The following PDE11A variants were observed in gnomAD, a reference collection of about 807,000 sequenced individuals.
PDE11A encodes phosphodiesterase 11A.
In PDE11A, 100 loss-of-function variants were observed where a neutral mutation model predicts 100.5. That is an observed-to-expected ratio of 1.00 (90% CI 0.85 to 1.18). PDE11A has a LOEUF of 1.18. Among genes scored for constraint, PDE11A ranks in the 50% most tolerant of loss-of-function variants. The probability of loss-of-function intolerance (pLI) is 0.00; values close to 1 mark genes in which losing one functional copy is unlikely to be tolerated. For missense variants in PDE11A, 1,141 were observed against 1,152.6 expected (o/e 0.99, Z 0.15); for synonymous variants, 381 against 420.8 (o/e 0.91, Z 1.16).
intron 2 of PDE11A, chr2:177,997,329 G>C: frequency 1.1e-6 from 1 of 896,720 alleles, no homozygotes; most frequent in Non-Finnish European, 1.9e-6. Context: ...TTATAAATCT[G>C]CCTGGCATCT....
chr2:177,691,896 C>T (rs2081045542), intron 15 of PDE11A, among the ~76,000 whole-genome samples: 1 of 152,124 alleles, frequency 6.6e-6, no homozygotes, highest in East Asian at 1.9e-4. Flanking sequence ...CAATCAATAG[C>T]TTATGTTATG....
chr2:177,886,433 G>A (rs1435975210), intron 4 of PDE11A, among the ~76,000 whole-genome samples: 1 of 152,156 alleles, frequency 6.6e-6, no homozygotes, highest in African/African-American at 2.4e-5. Flanking sequence ...ACACCTGAGT[G>A]CCTAGCTTAA....
intron 12 of PDE11A, among the ~76,000 whole-genome samples, chr2:177,725,463 C>G (rs1275807430): frequency 6.6e-6 from 1 of 152,086 alleles, no homozygotes; most frequent in Non-Finnish European, 1.5e-5. Flanking sequence ...TTTCTGAAGT[C>G]ATGTTTTTGT....
At chr2:177,792,750 T>C (rs900422854) in intron 9 of PDE11A, among the ~76,000 whole-genome samples, 1 of 152,180 alleles carries the variant, frequency 6.6e-6, no homozygotes, top group Non-Finnish European at 1.5e-5. Context: ...TCAGATTAGA[T>C]TTGAGTAAAC....
At chr2:177,754,913 T>C (rs1194281711) in intron 10 of PDE11A, among the ~76,000 whole-genome samples, 1 of 152,258 alleles carries the variant, frequency 6.6e-6, no homozygotes, top group Non-Finnish European at 1.5e-5. Flanking sequence ...GCTATTTTAC[T>C]ATGAGTTTCA....
chr2:177,895,507 T>G (rs1314211544), intron 4 of PDE11A, among the ~76,000 whole-genome samples: 1 of 149,764 alleles, frequency 6.7e-6, no homozygotes, highest in Admixed American at 6.7e-5. Flanking sequence ...TGAGCTGAGA[T>G]CGCGCCATTG....
chr2:177,885,141 C>T (rs2105709838), intron 4 of PDE11A, among the ~76,000 whole-genome samples: 1 of 151,664 alleles, frequency 6.6e-6, no homozygotes, highest in South Asian at 2.1e-4. Context: ...TATTGATATA[C>T]AGTTATTAAT....
chr2:178,038,138 TAAA>T (rs965564532), intron 1 of PDE11A, among the ~76,000 whole-genome samples: 2 of 152,102 alleles, frequency 1.3e-5, no homozygotes, highest in African/African-American at 4.8e-5. Context: ...ATAATTGAAA[TAAA>T]AAAACTGTAC....
In PDE11A at chr2:177,961,355, C is replaced by G. The variant is rs538037876; in HGVS notation, c.1071+52947G>C. ...GTCTTCATGGAGCCTGCCCTGACAC[C>G]CCAGCCTGCTGAGACCTTTCCTTCT... On this transcript the variant is annotated intron_variant, in intron 2 of 19. Coordinates refer to ENST00000286063, the MANE Select transcript of PDE11A (RefSeq NM_016953.4). 1.8e-3 allele frequency among the ~76,000 whole-genome samples: 280 copies of G among 152,226 alleles called. 7 individuals carry two copies. The South Asian group carries it at 0.041, about 22-fold the overall frequency.
At chr2:177,669,348 T>A in intron 18 of PDE11A, 145 bp downstream of exon 18, 1 of 614,446 alleles carries the variant, frequency 1.6e-6, no homozygotes, top group Non-Finnish European at 2.9e-6. Context: ...TGTTTAGCAT[T>A]TGAGTTTAAT....
rs1466011222 is a variant in PDE11A at position 177,623,646 on chromosome 2, C to T, written c.*5761G>A. The T allele has an allele frequency of 1.3e-5, 2 of 152,068 alleles. No individual in the cohort carries two copies. The highest frequency in any genetic ancestry group is 6.5e-5 in the Admixed American group (1 of 15,272). The allele number at this position is 152,068 out of a possible 1,614,324, so 9.4% of individuals were successfully genotyped here. Reference sequence around the variant, plus strand: ...CTAGAGTAAAAGAAAAATTGAGATTCGAATACACACGCATATACACACAGA... The same window carrying T: ...CTAGAGTAAAAGAAAAATTGAGATTTGAATACACACGCATATACACACAGA... On this transcript the variant is annotated 3_prime_UTR_variant, in exon 20 of 20. Transcript: ENST00000286063.
chr2:177,897,769 G>A (rs2084632610), intron 4 of PDE11A, among the ~76,000 whole-genome samples: 2 of 152,162 alleles, frequency 1.3e-5, no homozygotes, highest in Non-Finnish European at 2.9e-5. Context: ...AGCTGTGTGA[G>A]GTTGGGCAAA....
At chr2:177,927,833 G>A (rs537269726) in intron 2 of PDE11A, among the ~76,000 whole-genome samples, 33 of 152,154 alleles carry the variant, frequency 2.2e-4, no homozygotes, top group African/African-American at 6.7e-4. Context: ...GTCCGGATAC[G>A]GTGGCTCATG....
At chr2:178,084,220 C>CATGTTTAT (rs2087321692) in intron 2 of PDE11A, among the ~76,000 whole-genome samples, 2 of 152,170 alleles carry the variant, frequency 1.3e-5, no homozygotes, top group South Asian at 2.1e-4. Flanking sequence ...GTAAAAAGAC[C>CATGTTTAT]ATGTTTATTC....
intron 9 of PDE11A, among the ~76,000 whole-genome samples, chr2:177,791,329 T>C (rs939251108): frequency 7.1e-6 from 1 of 139,892 alleles, no homozygotes. Context: ...TAGGTGGGAA[T>C]TGAACAATGA....
At chr2:177,859,047 G>C (rs1288538058) in intron 5 of PDE11A, among the ~76,000 whole-genome samples, 1 of 152,070 alleles carries the variant, frequency 6.6e-6, no homozygotes, top group African/African-American at 2.4e-5. Context: ...ATTGAACAAT[G>C]AGAACACTTG....
chr2:177,977,711 A>C (rs2085827958), intron 2 of PDE11A, among the ~76,000 whole-genome samples: 4 of 143,198 alleles, frequency 2.8e-5, no homozygotes, highest in African/African-American at 5.2e-5. Flanking sequence ...ACAGTAACCA[A>C]AACAGCATGG....
chr2:177,857,993 AATTAAAGG>A (rs2083873188), intron 5 of PDE11A, among the ~76,000 whole-genome samples: 1 of 151,962 alleles, frequency 6.6e-6, no homozygotes, highest in Admixed American at 6.6e-5. Context: ...AAAATATAAC[AATTAAAGG>A]ATTCCCTATT....
rs1015859956 is a variant in PDE11A at position 178,070,192 on chromosome 2, T to C, written c.912+1334A>G. Among the ~76,000 whole-genome samples, 5 of 152,198 alleles carry C rather than the reference T, an allele frequency of 3.3e-5. No homozygotes were observed. In the South Asian group the frequency reaches 6.2e-4, roughly 19 times the overall value. ...TCATTGTTGCTTCACCTACACCTTTTAAAGTTTCCAAGAAAGATACAATGA... is the reference window on the plus strand; with the variant it reads ...TCATTGTTGCTTCACCTACACCTTTCAAAGTTTCCAAGAAAGATACAATGA... On this transcript the variant is annotated intron_variant, in intron 1 of 19. Transcript: ENST00000286063.
Sources: allele counts gnomAD v4.1 joint callset (sites outside exome capture counted in the v4.1 genomes callset), GRCh38; gene constraint gnomAD v4.1.1; transcripts MANE v1.5; gene names NCBI Gene and HGNC (gene_info 2026-07-23, HGNC 2026-07-21).